Variants in MYH11 observed in about 807,000 individuals in gnomAD.
MYH11 encodes myosin-11.
MYH11 carries 80 observed loss-of-function variants against 246.6 expected under a neutral mutation model. The observed-to-expected ratio is 0.32, with a 90% confidence interval of 0.27 to 0.39. MYH11 has a LOEUF of 0.39. Among genes scored for constraint, MYH11 ranks in the 10% least tolerant of loss-of-function variants. MYH11 has a pLI of 1.00. For missense variants in MYH11, 2,158 were observed against 2,546.8 expected, an observed-to-expected ratio of 0.85 and a Z score of 3.29; for synonymous variants, 1,071 against 1,015.5, an observed-to-expected ratio of 1.05 and a Z score of -1.04.
At chr16:15,791,891 T>C (rs1187343043) in intron 4 of MYH11, 3 of 152,008 alleles carry the variant, frequency 2.0e-5, no homozygotes, top group Non-Finnish European at 4.4e-5. Flanking sequence ...CTCAAGCTGG[T>C]CTCGAACTCC....
At chr16:15,731,193 C>A (rs531456113) in intron 27 of MYH11, among the ~76,000 whole-genome samples, 50 of 152,300 alleles carry the variant, frequency 3.3e-4, no homozygotes, top group Middle Eastern at 3.4e-3. Context: ...TTAAATCTCC[C>A]CGAAAGTGTT....
At chr16:15,765,452 AATGG>A (rs1567741582) in intron 9 of MYH11, among the ~76,000 whole-genome samples, 1 of 151,600 alleles carries the variant, frequency 6.6e-6, no homozygotes, top group Admixed American at 6.6e-5. Context: ...TGGATGGATG[AATGG>A]ATGGATGGAC....
chr16:15,703,558 C>G lies in MYH11; in HGVS notation c.*433G>C. ...CTCATCTCTTACATCATACAAACTT[C>G]AATTTTTACCTTGAATACAGGGGTA... On this transcript the variant is annotated 3_prime_UTR_variant, in exon 41 of 41. Coordinates refer to ENST00000300036, the MANE Select transcript of MYH11 (RefSeq NM_002474.3). 3.0e-6 allele frequency: 1 copy of G among 334,708 alleles called. No individual in the cohort carries two copies. Among genetic ancestry groups the G allele is most frequent in the Admixed American group, 4.5e-5 (1 of 22,188 alleles). 20.7% of individuals were successfully genotyped at this position (334,708 alleles called of 1,614,324 possible).
intron 30 of MYH11, 55 bp from the exon 31 acceptor site, chr16:15,724,464 C>T: frequency 6.2e-7 from 1 of 1,610,810 alleles, no homozygotes; most frequent in Non-Finnish European, 8.5e-7. Context: ...TGGCCCCTGT[C>T]CCTGGCCCCA....
chr16:15,752,573 G>A lies in MYH11; in HGVS notation c.1864+821C>T, dbSNP rs1346383960. Among the ~76,000 whole-genome samples the A allele has an allele frequency of 2.0e-5, 3 of 152,114 alleles. No individual in the cohort carries two copies. The East Asian group carries it at 5.8e-4, about 29-fold the overall frequency. ...ATCTTAGGGTAGGCCCAGCCATCTG[G>A]GTTTTAAAAAGCCCTCCAAAGAGGG... is the stretch of plus-strand genomic sequence containing the variant. On this transcript the variant is annotated intron_variant, in intron 15 of 40. Coordinates refer to ENST00000300036, the MANE Select transcript of MYH11 (RefSeq NM_002474.3).
intron 15 of MYH11, among the ~76,000 whole-genome samples, chr16:15,752,467 G>A (rs2041597594): frequency 6.6e-6 from 1 of 152,136 alleles, no homozygotes; most frequent in African/African-American, 2.4e-5. Context: ...GAGCCGGAGT[G>A]TGGTCCCTAG....
intron 2 of MYH11, among the ~76,000 whole-genome samples, chr16:15,832,126 C>T (rs2043756819): frequency 6.6e-6 from 1 of 152,070 alleles, no homozygotes; most frequent in South Asian, 2.1e-4. Flanking sequence ...ATTGCTGGGC[C>T]AGGTCTCTAA....
chr16:15,705,889 G>A (rs1304281905), intron 40 of MYH11, among the ~76,000 whole-genome samples: 1 of 147,346 alleles, frequency 6.8e-6, no homozygotes, highest in Non-Finnish European at 1.5e-5. Context: ...GGAGGCTGAG[G>A]CAGGAGAATG....
At position 15,781,562 on chromosome 16, in the gene MYH11, G is replaced by A. The variant is rs76097404; in HGVS notation, c.726+823C>T. Among the ~76,000 whole-genome samples the A allele has an allele frequency of 7.4e-3, 1,130 of 152,180 alleles. 13 individuals carry two copies. The highest frequency in any genetic ancestry group is 0.011 in the Non-Finnish European group (736 of 68,012). On this transcript the variant is annotated intron_variant, in intron 6 of 40. Coordinates refer to ENST00000300036, the MANE Select transcript of MYH11 (RefSeq NM_002474.3). Reference sequence around the variant, plus strand: ...TAAAATATCTTTCTGACCCTCCTACGGAGACAACCGCTTCTTTTGCACAAT... The same window carrying A: ...TAAAATATCTTTCTGACCCTCCTACAGAGACAACCGCTTCTTTTGCACAAT...
At chr16:15,776,879 G>A (rs72772049) in intron 7 of MYH11, among the ~76,000 whole-genome samples, 2 of 152,124 alleles carry the variant, frequency 1.3e-5, no homozygotes, top group Admixed American at 6.6e-5. Context: ...CACAGGGTCC[G>A]GGGTGATGGG....
intron 3 of MYH11, among the ~76,000 whole-genome samples, chr16:15,813,429 C>T (rs1237492834): frequency 6.6e-6 from 1 of 152,092 alleles, no homozygotes; most frequent in African/African-American, 2.4e-5. Context: ...TATGCCTGCA[C>T]CTTAATAGTT....
intron 38 of MYH11, among the ~76,000 whole-genome samples, chr16:15,715,973 A>G (rs2040109124): frequency 1.3e-5 from 2 of 152,052 alleles, no homozygotes; most frequent in Admixed American, 1.3e-4. Context: ...TAAAAAATAC[A>G]ATTACAAGCT....
In MYH11 at chr16:15,834,911, G is replaced by GTTT. The variant is rs11414157; in HGVS notation, c.345+2994_345+2996dup. On this transcript the variant is annotated intron_variant, in intron 2 of 40. Coordinates refer to ENST00000300036, the MANE Select transcript of MYH11 (RefSeq NM_002474.3). ...TAGTGAGATCCCAGTCTCTACAGAAGTTTTTTTTTTTTTTTTTAATTAGCC... is the reference window on the plus strand; with the variant it reads ...TAGTGAGATCCCAGTCTCTACAGAAGTTTTTTTTTTTTTTTTTTTTAATTAGCC... 5.3e-3 allele frequency among the ~76,000 whole-genome samples: 704 copies of GTTT among 132,030 alleles called. 6 individuals are homozygous for GTTT. The highest frequency in any genetic ancestry group is 7.4e-3 in the Non-Finnish European group (469 of 63,704). 86.6% of individuals were successfully genotyped at this position (132,030 alleles called of 152,430 possible). A position where few individuals can be genotyped will look rare whatever the true frequency, so the allele number is the denominator to read the frequency against.
Position 15,718,335 on chromosome 16 carries a change from C to T in MYH11, c.5275G>A (p.Val1759Ile), listed in dbSNP as rs138059405. The change falls in exon 37 of 41, where the codon GTC (valine) becomes ATC (isoleucine). Residue 1759 changes from valine (V) to isoleucine (I), a missense_variant. Physicochemically the swap from Val to Ile is conservative, Grantham distance 29. This residue lies in a region of MYH11 where 1,013 missense variants were observed against 993.5 expected (regional missense o/e 1.02). Transcript: ENST00000300036. The part of the protein sequence containing the change: ...QGNMEAMSDR[V>I]RKATQQAEQL... ...CTCACCTGCTGTGTGGCTTTGCGGA[C>T]CCGGTCGCTCATGGCCTCCATGTTG... 6.2e-4 allele frequency: 995 copies of T among 1,609,050 alleles called. 1 individual carries two copies. Among genetic ancestry groups the T allele is most frequent in the Non-Finnish European group, 8.0e-4 (941 of 1,179,954 alleles).
At chr16:15,796,878 T>C (rs141890637) in intron 4 of MYH11, among the ~76,000 whole-genome samples, 6 of 152,308 alleles carry the variant, frequency 3.9e-5, no homozygotes, top group Non-Finnish European at 7.4e-5. Context: ...CAGGTTGTTT[T>C]AGCATTTATA....
intron 3 of MYH11, among the ~76,000 whole-genome samples, chr16:15,805,312 C>T (rs924131536): frequency 6.6e-6 from 1 of 152,168 alleles, no homozygotes; most frequent in African/African-American, 2.4e-5. Flanking sequence ...GTCACATGGC[C>T]TAGTGGTTCC....
At chr16:15,749,997 G>C (rs1316243916) in intron 16 of MYH11, 141 bp downstream of exon 16, 1 of 1,039,512 alleles carries the variant, frequency 9.6e-7, no homozygotes, top group Admixed American at 2.1e-5. Flanking sequence ...TGGGGAATGG[G>C]TCTGAGATTC....
At chr16:15,825,333 C>T (rs2043531106) in intron 2 of MYH11, among the ~76,000 whole-genome samples, 1 of 144,824 alleles carries the variant, frequency 6.9e-6, no homozygotes, top group African/African-American at 2.6e-5. Context: ...AGGATTGCTT[C>T]AGGCTAAGTG....
intron 22 of MYH11, 24 bp downstream of exon 22, chr16:15,741,439 C>A: frequency 6.2e-7 from 1 of 1,604,666 alleles, no homozygotes; most frequent in South Asian, 1.1e-5. Context: ...CTACCCACCA[C>A]GGGCTGCCCC....
Sources: allele counts gnomAD v4.1 joint callset (sites outside exome capture counted in the v4.1 genomes callset), GRCh38; gene constraint gnomAD v4.1.1; regional missense constraint gnomAD v4.1.1; transcripts MANE v1.5; gene names NCBI Gene and HGNC (gene_info 2026-07-23, HGNC 2026-07-21).